The following GRID2 variants were observed in gnomAD, a reference collection of about 807,000 sequenced individuals.
GRID2 encodes the protein glutamate receptor ionotropic, delta-2.
In GRID2, 33 loss-of-function variants were observed where a neutral mutation model predicts 114.8. That is an observed-to-expected ratio of 0.29 (90% confidence interval 0.22 to 0.38). The LOEUF (loss-of-function observed/expected upper bound fraction) is 0.38. GRID2 is among the 10% of genes least tolerant of loss of function. The pLI is 1.00. For synonymous variants in GRID2, 505 were observed against 449.9 expected (o/e 1.12, Z -1.55); for missense variants, 1,184 against 1,257.7 (o/e 0.94, Z 0.89).
chr4:93,665,645 C>T (rs17020945), intron 14 of GRID2, among the ~76,000 whole-genome samples: 52,449 of 151,946 alleles, frequency 0.35, 9,260 homozygotes, highest in East Asian at 0.58. Flanking sequence ...ATTTTGACTG[C>T]TCTAAATGCT....
intron 9 of GRID2, among the ~76,000 whole-genome samples, chr4:93,405,619 G>A (rs1337056630): frequency 6.6e-6 from 1 of 152,104 alleles, no homozygotes; most frequent in Non-Finnish European, 1.5e-5. Context: ...AAAACAGTAG[G>A]TAGATTGACT....
intron 1 of GRID2, among the ~76,000 whole-genome samples, chr4:92,411,193 T>C (rs771147531): frequency 3.2e-4 from 48 of 152,162 alleles, no homozygotes; most frequent in Admixed American, 1.2e-3. Flanking sequence ...GACTCAACCA[T>C]ACCAGCAGAT....
At position 92,886,884 on chromosome 4, in the gene GRID2, C is replaced by T. The variant is rs185046330; in HGVS notation, c.245-198111C>T. Among the ~76,000 whole-genome samples, 899 of 152,250 alleles carry T rather than the reference C, an allele frequency of 5.9e-3. 6 individuals are homozygous for T. The highest frequency in any genetic ancestry group is 9.0e-3 in the Non-Finnish European group (609 of 68,022). On this transcript the variant is annotated intron_variant, in intron 2 of 15. Coordinates refer to ENST00000282020, the MANE Select transcript of GRID2 (RefSeq NM_001510.4). ...TCGTGATCCACCCGCCTCGGCCTCC[C>T]AAAGTGCTGGGATTATAGGCGTGAG...
intron 2 of GRID2, among the ~76,000 whole-genome samples, chr4:92,849,584 T>C (rs572678902): frequency 6.6e-6 from 1 of 151,932 alleles, no homozygotes; most frequent in Non-Finnish European, 1.5e-5. Context: ...TGTCAGCTTC[T>C]AGAAACATTC....
chr4:93,582,593 A>G (rs1475381748), intron 13 of GRID2, among the ~76,000 whole-genome samples: 1 of 152,328 alleles, frequency 6.6e-6, no homozygotes, highest in East Asian at 1.9e-4. Context: ...AATGAGAAGT[A>G]GCGATCATCT....
At chr4:93,065,969 G>T (rs560609355) in intron 2 of GRID2, among the ~76,000 whole-genome samples, 1 of 151,808 alleles carries the variant, frequency 6.6e-6, no homozygotes, top group Non-Finnish European at 1.5e-5. Flanking sequence ...AACTCATTCA[G>T]TTCCCATAGT....
intron 2 of GRID2, among the ~76,000 whole-genome samples, chr4:92,953,206 A>G (rs1251541095): frequency 1.3e-5 from 2 of 152,184 alleles, no homozygotes; most frequent in African/African-American, 4.8e-5. Flanking sequence ...AGGCTTCAAT[A>G]TATTTTGAGT....
chr4:93,584,260 A>G (rs1325260614), intron 13 of GRID2, among the ~76,000 whole-genome samples: 1 of 152,140 alleles, frequency 6.6e-6, no homozygotes, highest in Non-Finnish European at 1.5e-5. Context: ...AAGCCAACAA[A>G]CAAACTAGAA....
rs115846562 is a variant in GRID2 at position 93,109,301 on chromosome 4, T to C, written c.530-1447T>C. On this transcript the variant is annotated intron_variant, in intron 3 of 15. Coordinates refer to ENST00000282020, the MANE Select transcript of GRID2 (RefSeq NM_001510.4). ...ATAATTAATGATAAGAAATGTAAGA[T>C]AGAATTTATACAGTATATATGTTGT... Among the ~76,000 whole-genome samples, 224 of 152,324 alleles carry C rather than the reference T, an allele frequency of 1.5e-3. 1 individual carries two copies. Among genetic ancestry groups the C allele is most frequent in the African/African-American group, 5.3e-3 (221 of 41,588 alleles).
intron 13 of GRID2, among the ~76,000 whole-genome samples, chr4:93,590,020 GGT>G (rs1738023776): frequency 6.7e-6 from 1 of 150,374 alleles, no homozygotes; most frequent in Admixed American, 6.6e-5. Context: ...TCACTCTGAT[GGT>G]AGTTTCTTTT....
At chr4:93,406,937 G>C (rs1051784791) in intron 9 of GRID2, among the ~76,000 whole-genome samples, 1 of 152,080 alleles carries the variant, frequency 6.6e-6, no homozygotes, top group Non-Finnish European at 1.5e-5. Flanking sequence ...AGTTTTTCTT[G>C]TTCACATTTT....
chr4:92,797,820 C>T (rs557417148), intron 2 of GRID2, among the ~76,000 whole-genome samples: 68 of 151,872 alleles, frequency 4.5e-4, no homozygotes, highest in Middle Eastern at 3.4e-3. Context: ...CAATTGAAAC[C>T]CATGTTGTTC....
intron 1 of GRID2, among the ~76,000 whole-genome samples, chr4:92,556,672 G>A (rs1726864293): frequency 6.6e-6 from 1 of 152,092 alleles, no homozygotes; most frequent in Non-Finnish European, 1.5e-5. Flanking sequence ...TCACGTGAGT[G>A]AGTATCAAAT....
intron 10 of GRID2, 31 bp downstream of exon 10, chr4:93,422,999 C>A (rs1224585905): frequency 2.1e-6 from 3 of 1,425,762 alleles, no homozygotes; most frequent in Non-Finnish European, 3.0e-6. Flanking sequence ...TTGTCTCATA[C>A]TTAAAGGTTC....
At chr4:93,273,248 A>G (rs912578271) in intron 8 of GRID2, among the ~76,000 whole-genome samples, 4 of 152,246 alleles carry the variant, frequency 2.6e-5, no homozygotes, top group Admixed American at 2.0e-4. Context: ...TAAAAATTAC[A>G]TATGAATGAA....
chr4:92,968,035 G>C (rs1753271384), intron 2 of GRID2, among the ~76,000 whole-genome samples: 1 of 151,826 alleles, frequency 6.6e-6, no homozygotes, highest in African/African-American at 2.4e-5. Context: ...CATTAGGCCT[G>C]ATGTCTAGAG....
intron 2 of GRID2, among the ~76,000 whole-genome samples, chr4:92,974,807 A>C (rs868621884): frequency 7.2e-5 from 11 of 152,234 alleles, no homozygotes; most frequent in Middle Eastern, 3.4e-3. Context: ...CACGTTCTGC[A>C]CATGTAACCC....
rs114465196 is a variant in GRID2 at position 92,908,452 on chromosome 4, G to A, written c.245-176543G>A. Among the ~76,000 whole-genome samples, 754 of 151,430 alleles carry A rather than the reference G, an allele frequency of 5.0e-3. 1 individual carries two copies. Among genetic ancestry groups the A allele is most frequent in the African/African-American group, 0.017 (720 of 41,264 alleles). The stretch of plus-strand genomic sequence containing the variant: ...ATAGAGCTTTCTTAGAAAAATATTA[G>A]CGTTAAAAATGTGACCATTACTTGT... On this transcript the variant is annotated intron_variant, in intron 2 of 15. Coordinates refer to ENST00000282020, the MANE Select transcript of GRID2 (RefSeq NM_001510.4).
At chr4:93,013,251 G>A (rs1722360067) in intron 2 of GRID2, among the ~76,000 whole-genome samples, 1 of 151,868 alleles carries the variant, frequency 6.6e-6, no homozygotes, top group African/African-American at 2.4e-5. Flanking sequence ...CTCGAGAGAT[G>A]GTATGGATGA....
Sources: gnomAD v4.1 joint callset for allele counts (sites outside exome capture counted in the v4.1 genomes callset) on GRCh38, gnomAD v4.1.1 for gene constraint, MANE v1.5 for transcripts, NCBI Gene and HGNC (gene_info 2026-07-23, HGNC 2026-07-21) for gene names.